Variants in ABCB11 observed in about 807,000 individuals in gnomAD.
ABCB11 encodes the protein ATP binding cassette subfamily B member 11.
Under a neutral mutation model 148.0 loss-of-function variants are expected in ABCB11, and 95 were observed. The ratio of observed to expected loss-of-function variants is 0.64; its 90% CI spans 0.54 to 0.76. ABCB11 has a LOEUF of 0.76. ABCB11 is among the 30% of genes least tolerant of loss of function. ABCB11 has a pLI of 0.00. For synonymous variants in ABCB11, 591 were observed against 555.4 expected, an observed-to-expected ratio of 1.06 and a Z score of -0.90; for missense variants, 1,523 against 1,617.8, an observed-to-expected ratio of 0.94 and a Z score of 1.01.
chr2:168,962,839 A>T (rs772767402), intron 18 of ABCB11, among the ~76,000 whole-genome samples: 7 of 151,722 alleles, frequency 4.6e-5, no homozygotes, highest in Non-Finnish European at 1.0e-4. Context: ...TGCAGTAAGA[A>T]ACTATGCTTG....
intron 24 of ABCB11, among the ~76,000 whole-genome samples, chr2:168,931,359 T>C (rs538358394): frequency 1.3e-5 from 2 of 152,186 alleles, no homozygotes; most frequent in African/African-American, 4.8e-5. Context: ...GGATAGACAT[T>C]TAATAGACCA....
intron 5 of ABCB11, among the ~76,000 whole-genome samples, chr2:169,009,678 T>C (rs1281722005): frequency 6.6e-6 from 1 of 151,614 alleles, no homozygotes; most frequent in African/African-American, 2.4e-5. Context: ...TGTGTATATA[T>C]GTAGCAAACC....
rs1360840976 is a variant in ABCB11, at chr2:168,922,722, A to G, written c.*900T>C. Among the ~76,000 whole-genome samples, 1 of 152,130 alleles carries G rather than the reference A, an allele frequency of 6.6e-6. No homozygotes were observed. Among genetic ancestry groups the G allele is most frequent in the Non-Finnish European group, 1.5e-5 (1 of 68,020 alleles). On this transcript the variant is annotated 3_prime_UTR_variant, in exon 28 of 28. Transcript: ENST00000650372. ...ATGTCATTCTGTGGTGTTTTGAGGG[A>G]GCAGGGGCAAATGAGTGCTTTTCTG...
At chr2:168,918,922 C>T (rs977176499), downstream of ABCB11, among the ~76,000 whole-genome samples, 4 of 151,982 alleles carry the variant, frequency 2.6e-5, no homozygotes, top group African/African-American at 9.7e-5. Context: ...CCCTTTTCAT[C>T]TTAAACTTTA....
chr2:168,935,213 A>T lies in ABCB11; in HGVS notation c.3027T>A (p.Asn1009Lys), dbSNP rs774741336. ...ACACATAGCTGAAATGGAGCCCCTC[A>T]TTGGAGATTAAGTAACCTCCATATC... ...SYRYGGYLIS[N>K]EGLHFSYVFR... Residue 1009 changes from asparagine (N) to lysine (K), a missense_variant, in exon 23 of 28, where the codon AAT becomes AAA. Asn to Lys is a moderately conservative substitution (Grantham distance 94). Transcript: ENST00000650372. 1.2e-6 allele frequency: 2 copies of T among 1,613,902 alleles called. No individual in the cohort carries two copies. Among genetic ancestry groups the T allele is most frequent in the African/African-American group, 2.7e-5 (2 of 74,940 alleles).
At chr2:168,971,202 C>T (rs10184421) in intron 14 of ABCB11, among the ~76,000 whole-genome samples, 86,705 of 151,520 alleles carry the variant, frequency 0.57, 25,047 homozygotes, top group East Asian at 0.75. Context: ...ATTAGTTGCT[C>T]AACAGGGTTG....
In ABCB11 at chr2:168,973,773, G is replaced by A. The variant is rs190094490; in HGVS notation, c.1376C>T (p.Ala459Val). 1.2e-5 allele frequency: 20 copies of A among 1,612,196 alleles called. No homozygotes were observed. The African/African-American group carries it at 1.9e-4, about 15-fold the overall frequency. ...EMTALVGPSG[A>V]GKSTALQLIQ... is the part of the protein sequence containing the mutation. The stretch of plus-strand genomic sequence containing the variant: ...GAGTTGCAGTGCTGTACTTTTTCCA[G>A]CTCCACTGGGTCCTACCAGAGCTGT... Residue 459 changes from alanine (A) to valine (V), a missense_variant, in exon 13 of 28, where the codon GCT becomes GTT. By Grantham distance (64) the Ala-to-Val change is moderately conservative (BLOSUM62 0). Transcript: ENST00000650372.
chr2:168,949,618 C>T (rs1029860746), intron 19 of ABCB11, among the ~76,000 whole-genome samples: 2 of 151,612 alleles, frequency 1.3e-5, no homozygotes, highest in Non-Finnish European at 3.0e-5. Context: ...TAGATTGATT[C>T]TGTGTCTTTG....
chr2:168,924,801 T>G lies in ABCB11; in HGVS notation c.3621A>C (p.Lys1207Asn). 6.2e-7 allele frequency: 1 copy of G among 1,610,428 alleles called. No individual in the cohort carries two copies. The highest frequency in any genetic ancestry group is 8.5e-7 in the Non-Finnish European group (1 of 1,178,468). Reference sequence around the variant, plus strand: ...CCTGGGACCCAACGTTAGTTTCATATTTCTGAAAAAAAGTATGATAAGTTT... The same window carrying G: ...CCTGGGACCCAACGTTAGTTTCATAGTTCTGAAAAAAAGTATGATAAGTTT... ...LHDFVMSLPE[K>N]YETNVGSQGS... The change falls in exon 27 of 28, where the codon AAA (lysine) becomes AAC (asparagine). Residue 1207 changes from lysine (K) to asparagine (N), a missense_variant and splice_region_variant. Physicochemically the swap from Lys to Asn is moderately conservative, Grantham distance 94. Coordinates refer to ENST00000650372, the MANE Select transcript of ABCB11 (RefSeq NM_003742.4).
intron 19 of ABCB11, among the ~76,000 whole-genome samples, chr2:168,947,848 G>T (rs1164948433): frequency 6.6e-6 from 1 of 151,610 alleles, no homozygotes; most frequent in Non-Finnish European, 1.5e-5. Flanking sequence ...CCATCTTAAG[G>T]TTTCTGGTTG....
At chr2:168,931,927 T>C (rs1343484699) in intron 24 of ABCB11, among the ~76,000 whole-genome samples, 1 of 152,200 alleles carries the variant, frequency 6.6e-6, no homozygotes, top group African/African-American at 2.4e-5. Flanking sequence ...CCAAGTGGTA[T>C]TGTATGGCCA....
intron 2 of ABCB11, 137 bp from the exon 3 acceptor site, chr2:169,016,936 G>A (rs2106055606): frequency 3.1e-6 from 2 of 639,254 alleles, no homozygotes; most frequent in Non-Finnish European, 2.8e-6. Context: ...ATGACTATTT[G>A]CCTTTTCTTT....
Position 169,013,363 on chromosome 2 carries a change from G to A in ABCB11, c.298C>T (p.Leu100Phe). ...ACACATGCTTTTCCTGGAATCTGGA[G>A]TTCTTGTAACTCAACGTCGTAGTCA... ...FIDYDVELQE[L>F]QIPGKACVNN... Residue 100 changes from leucine to phenylalanine, a missense_variant, in exon 5 of 28, where the codon CTC becomes TTC. Leu to Phe is a conservative substitution (Grantham distance 22, BLOSUM62 0). Transcript: ENST00000650372. 1 of 1,613,842 alleles carries A rather than the reference G, an allele frequency of 6.2e-7. No individual in the cohort carries two copies. The highest frequency in any genetic ancestry group is 1.3e-5 in the African/African-American group (1 of 75,030).
chr2:168,944,691 G>A lies in ABCB11; in HGVS notation c.2524C>T (p.Gln842Ter). The A allele has an allele frequency of 6.2e-7, 1 of 1,612,836 alleles. No individual in the cohort carries two copies. The highest frequency in any genetic ancestry group is 8.5e-7 in the Non-Finnish European group (1 of 1,179,248). Residue 842 changes from glutamine to a stop codon, truncating the protein, a stop_gained, in exon 21 of 28, where the codon CAA (glutamine) becomes TAA (stop). Coordinates refer to ENST00000650372, the MANE Select transcript of ABCB11 (RefSeq NM_003742.4). LOFTEE classifies it high-confidence loss of function. ...RKFGFRAMLGQDIAWFDDLRN... is the reference protein window; with the variant it reads ...RKFGFRAMLG The stretch of plus-strand genomic sequence containing the variant: ...AGGTCATCAAACCAGGCAATATCTT[G>A]CCCCAGCATTGCCCTGAAACCAAAT...
rs781079552 is a variant in ABCB11 at position 169,018,148 on chromosome 2, C to T, written c.-23G>A. 2.3e-5 allele frequency: 37 copies of T among 1,611,052 alleles called. No individual in the cohort carries two copies. The highest frequency in any genetic ancestry group is 1.3e-4 in the African/African-American group (10 of 74,836). ...CATGGTAATTGCAACCCACAGCCAA[C>T]GACCCTATAAAATAAAATAAAAGAA... On this transcript the variant is annotated 5_prime_UTR_variant, in exon 2 of 28. Coordinates refer to ENST00000650372, the MANE Select transcript of ABCB11 (RefSeq NM_003742.4).
intron 15 of ABCB11, 36 bp downstream of exon 15, chr2:168,970,009 C>T (rs1693503738): frequency 1.3e-6 from 2 of 1,518,170 alleles, no homozygotes; most frequent in South Asian, 1.1e-5. Flanking sequence ...AGCATTTCCA[C>T]ATGGACCTGT....
intron 10 of ABCB11, 52 bp from the exon 11 acceptor site, chr2:168,980,031 G>T: frequency 9.4e-7 from 1 of 1,066,190 alleles, no homozygotes; most frequent in Non-Finnish European, 1.4e-6. Flanking sequence ...TGTGTAAATA[G>T]TAATTACTAT....
In ABCB11 at chr2:168,927,224, G is replaced by A. The variant is rs1370641207; in HGVS notation, c.3550C>T (p.Pro1184Ser). ...GCAGCTGCTATGACTCTTTCCATGG[G>A]AATTTCTTTGGTGTTGTCTCCATAC... is the stretch of plus-strand genomic sequence containing the variant. ...IKYGDNTKEI[P>S]MERVIAAAKQ... is the part of the protein sequence containing the mutation. The change falls in exon 26 of 28, where the codon CCC becomes TCC. Residue 1184 changes from proline to serine, a missense_variant. Physicochemically the swap from Pro to Ser is moderately conservative, Grantham distance 74. Coordinates refer to ENST00000650372, the MANE Select transcript of ABCB11 (RefSeq NM_003742.4). The A allele has an allele frequency of 6.2e-7, 1 of 1,613,896 alleles. No homozygotes were observed. Among genetic ancestry groups the A allele is most frequent in the Non-Finnish European group, 8.5e-7 (1 of 1,179,812 alleles).
chr2:168,927,354 A>G lies in ABCB11; in HGVS notation c.3420T>C (p.Asp1140=), dbSNP rs1691365241. The G allele has an allele frequency of 6.2e-7, 1 of 1,613,452 alleles. No individual in the cohort carries two copies. Among genetic ancestry groups the G allele is most frequent in the Non-Finnish European group, 8.5e-7 (1 of 1,179,454 alleles). ...YDPDQGKVMI[D]GHDSKKVNVQ... ...CATTTACTTTTTTGCTGTCATGACC[A>G]TCTATCATCTGCCAATAGAGGAGAT... is the stretch of plus-strand genomic sequence containing the variant. The change falls in exon 26 of 28, where the codon GAT becomes GAC. Residue 1140 remains aspartate (D), a synonymous_variant. Transcript: ENST00000650372.
Sources: allele counts gnomAD v4.1 joint callset (sites outside exome capture counted in the v4.1 genomes callset), GRCh38; gene constraint gnomAD v4.1.1; transcripts MANE v1.5; gene names NCBI Gene and HGNC (gene_info 2026-07-23, HGNC 2026-07-21).